Variants in C12orf54 observed in about 807,000 individuals in gnomAD.
C12orf54 encodes the protein chromosome 12 open reading frame 54, also known as uncharacterized protein C12orf54.
A neutral mutation model predicts 26.4 loss-of-function variants in C12orf54; 24 were observed. That is an observed-to-expected ratio of 0.91 (90% CI 0.66 to 1.28). C12orf54 has a LOEUF of 1.28. C12orf54 is among the 50% of genes most tolerant of loss of function. The probability of loss-of-function intolerance (pLI) is 0.00; values close to 1 mark genes in which losing one functional copy is unlikely to be tolerated. For missense variants in C12orf54, 154 were observed against 150.9 expected, an observed-to-expected ratio of 1.02 and a Z score of -0.11; for synonymous variants, 54 against 47.0, an observed-to-expected ratio of 1.15 and a Z score of -0.61.
chr12:48,488,355 A>C (rs922534939), intron 4 of C12orf54: 1 of 510,502 alleles, frequency 2.0e-6, no homozygotes, highest in African/African-American at 1.9e-5. Flanking sequence ...TGGTGCCGAC[A>C]AGAAAGCCAA....
the C12orf54 span, among the ~76,000 whole-genome samples, chr12:48,447,212 C>CTGTGTGTGTGTG: frequency 1.5e-4 from 14 of 90,970 alleles, no homozygotes; most frequent in African/African-American, 3.8e-4. Context: ...CTCTCTTACT[C>CTGTGTGTGTGTG]TGTGTGTGTG....
the C12orf54 span, among the ~76,000 whole-genome samples, chr12:48,454,437 C>A: frequency 6.6e-6 from 1 of 151,966 alleles, no homozygotes; most frequent in Non-Finnish European, 1.5e-5. Context: ...ATTGGACAGG[C>A]TGCATAGTCA....
the C12orf54 span, among the ~76,000 whole-genome samples, chr12:48,464,676 A>T: frequency 6.6e-6 from 1 of 152,194 alleles, no homozygotes; most frequent in Admixed American, 6.5e-5. Flanking sequence ...ACTATACTAC[A>T]GGACTATAGT....
the C12orf54 span, among the ~76,000 whole-genome samples, chr12:48,471,769 G>A: frequency 1.6e-4 from 24 of 152,286 alleles, no homozygotes; most frequent in African/African-American, 5.8e-4. Flanking sequence ...TTTGAAGTCA[G>A]GTAGTGTGAT....
chr12:48,439,307 A>G, the C12orf54 span, among the ~76,000 whole-genome samples: 66 of 152,354 alleles, frequency 4.3e-4, no homozygotes, highest in Non-Finnish European at 1.8e-4. Context: ...GTGGGACTGT[A>G]AAATAGTTCA....
chr12:48,458,948 A>T, the C12orf54 span, among the ~76,000 whole-genome samples: 1 of 152,208 alleles, frequency 6.6e-6, no homozygotes, highest in East Asian at 1.9e-4. Flanking sequence ...CTTTTCAAGC[A>T]GATGTCCAAG....
the C12orf54 span, among the ~76,000 whole-genome samples, chr12:48,430,190 CTA>C: frequency 1.3e-5 from 2 of 152,296 alleles, no homozygotes; most frequent in Non-Finnish European, 2.9e-5. Flanking sequence ...AGGCATGAAA[CTA>C]TGAAAATTCT....
At chr12:48,430,885 G>A in the C12orf54 span, among the ~76,000 whole-genome samples, 7 of 152,252 alleles carry the variant, frequency 4.6e-5, no homozygotes, top group African/African-American at 1.2e-4. Flanking sequence ...TTGCAAAATC[G>A]TGGAACCAAC....
chr12:48,414,859 G>A, the C12orf54 span, among the ~76,000 whole-genome samples: 1 of 152,108 alleles, frequency 6.6e-6, no homozygotes. Flanking sequence ...CCTCAGGTTT[G>A]GCAGGACCTG....
chr12:48,488,190 C>A, intron 4 of C12orf54: 1 of 716,668 alleles, frequency 1.4e-6, no homozygotes, highest in Non-Finnish European at 2.6e-6. Context: ...CCATGATTAC[C>A]TTCATTGGCC....
chr12:48,480,810 T>C (rs1234875990), upstream of C12orf54, among the ~76,000 whole-genome samples: 2 of 152,152 alleles, frequency 1.3e-5, no homozygotes, highest in Non-Finnish European at 2.9e-5. Context: ...TCAACCCAGG[T>C]GCCCATCAAT....
chr12:48,441,411 A>C, the C12orf54 span, among the ~76,000 whole-genome samples: 12 of 152,232 alleles, frequency 7.9e-5, no homozygotes, highest in African/African-American at 1.2e-4. Flanking sequence ...TGCAGTGAAT[A>C]GAGACCGTGC....
the C12orf54 span, among the ~76,000 whole-genome samples, chr12:48,427,220 CAGAT>C: frequency 1.1e-4 from 16 of 152,150 alleles, no homozygotes; most frequent in Admixed American, 7.9e-4. Context: ...GGGTTTGTCA[CAGAT>C]AGCTCTTATT....
chr12:48,420,717 C>G, the C12orf54 span, among the ~76,000 whole-genome samples: 1 of 152,296 alleles, frequency 6.6e-6, no homozygotes, highest in Admixed American at 6.5e-5. Flanking sequence ...TAACCAACCT[C>G]TCTGCTAATG....
chr12:48,475,985 G>T, the C12orf54 span, among the ~76,000 whole-genome samples: 2 of 151,666 alleles, frequency 1.3e-5, no homozygotes, highest in African/African-American at 2.4e-5. Flanking sequence ...AATGTTAAGG[G>T]CAGCCAGAGA....
upstream of C12orf54, among the ~76,000 whole-genome samples, chr12:48,478,957 G>A (rs1355867950): frequency 2.0e-5 from 3 of 152,210 alleles, no homozygotes; most frequent in Non-Finnish European, 4.4e-5. Context: ...AGTCAGTGTG[G>A]TGATTCCTCA....
At chr12:48,480,481 T>C (rs907404217), upstream of C12orf54, among the ~76,000 whole-genome samples, 4 of 152,276 alleles carry the variant, frequency 2.6e-5, no homozygotes, top group South Asian at 8.3e-4. Context: ...TATGAAAAAA[T>C]GTGCAACATC....
At chr12:48,461,537 T>C in the C12orf54 span, among the ~76,000 whole-genome samples, 1 of 151,870 alleles carries the variant, frequency 6.6e-6, no homozygotes, top group Non-Finnish European at 1.5e-5. Context: ...TAAAAATATT[T>C]TATCTGATTA....
chr12:48,485,646 T>A (rs1343569545), intron 2 of C12orf54, among the ~76,000 whole-genome samples: 2 of 152,154 alleles, frequency 1.3e-5, no homozygotes, highest in African/African-American at 4.8e-5. Flanking sequence ...GATTTAGGAA[T>A]GAGATGGTAT....
Sources: allele counts gnomAD v4.1 joint callset (sites outside exome capture counted in the v4.1 genomes callset), GRCh38; gene constraint gnomAD v4.1.1; transcripts MANE v1.5; gene names NCBI Gene and HGNC (gene_info 2026-07-23, HGNC 2026-07-21).